The following ZMAT5 variants were observed in gnomAD, a reference collection of about 807,000 sequenced individuals.
The protein encoded by ZMAT5 is zinc finger matrin-type protein 5.
Under a neutral mutation model 28.0 loss-of-function variants are expected in ZMAT5, and 23 were observed. The observed-to-expected ratio is 0.82, with a 90% CI of 0.59 to 1.16. ZMAT5 has a LOEUF of 1.16. Among genes scored for constraint, ZMAT5 ranks in the 50% most tolerant of loss-of-function variants. ZMAT5 has a pLI of 0.00. For synonymous variants in ZMAT5, 76 were observed against 84.1 expected, an observed-to-expected ratio of 0.90 and a Z score of 0.52; for missense variants, 173 against 212.7, an observed-to-expected ratio of 0.81 and a Z score of 1.16.
intron 1 of ZMAT5, among the ~76,000 whole-genome samples, chr22:29,756,078 C>A (rs1456870393): frequency 6.6e-6 from 1 of 152,268 alleles, no homozygotes; most frequent in African/African-American, 2.4e-5. Context: ...AACAGCTCGG[C>A]CTTTGGCCAG....
At chr22:29,733,363 T>C (rs544035959) in intron 5 of ZMAT5, among the ~76,000 whole-genome samples, 48 of 151,682 alleles carry the variant, frequency 3.2e-4, no homozygotes, top group Non-Finnish European at 4.6e-4. Context: ...AGAGCCGGGG[T>C]CAGGAGCCCT....
At chr22:29,744,691 G>A (rs112382888) in intron 2 of ZMAT5, among the ~76,000 whole-genome samples, 2,027 of 152,228 alleles carry the variant, frequency 0.013, 44 homozygotes, top group African/African-American at 0.044. Context: ...GGCTGCCCAC[G>A]TCCGCTTAGT....
intron 2 of ZMAT5, among the ~76,000 whole-genome samples, chr22:29,744,452 G>C (rs1254062346): frequency 1.3e-5 from 2 of 152,030 alleles, no homozygotes; most frequent in Non-Finnish European, 2.9e-5. Flanking sequence ...GGACCAGCAG[G>C]GTGGGGAGGG....
At chr22:29,755,338 A>AGAGAGAGAGGGAGGGAGGGAGG in intron 1 of ZMAT5, among the ~76,000 whole-genome samples, 1 of 39,334 alleles carries the variant, frequency 2.5e-5, no homozygotes, top group South Asian at 1.7e-3. Flanking sequence ...AGAGAGAGAG[A>AGAGAGAGAGGGAGGGAGGGAGG]GAGGGAGGGA....
intron 1 of ZMAT5, among the ~76,000 whole-genome samples, chr22:29,765,222 C>T (rs1223556916): frequency 3.3e-5 from 5 of 151,498 alleles, no homozygotes; most frequent in Non-Finnish European, 5.9e-5. Context: ...AGTTCAAGAC[C>T]AGCCTGGCCA....
intron 5 of ZMAT5, among the ~76,000 whole-genome samples, chr22:29,735,736 CTG>C (rs1208936052): frequency 3.9e-5 from 6 of 152,234 alleles, no homozygotes; most frequent in Non-Finnish European, 5.9e-5. Context: ...ACTGGGAACA[CTG>C]TAAGCACCAA....
chr22:29,735,921 T>A lies in ZMAT5; in HGVS notation c.383+2409A>T, dbSNP rs563211113. 2.0e-5 allele frequency among the ~76,000 whole-genome samples: 3 copies of A among 152,268 alleles called. No homozygotes were observed. The East Asian group carries it at 5.8e-4, about 29-fold the overall frequency. On this transcript the variant is annotated intron_variant, in intron 5 of 5. Transcript: ENST00000344318. Reference sequence around the variant, plus strand: ...CAAGGACTCTGGGGCACCCCATCTCTACCCCACCCATTGGTGCTCACTCCA... The same window carrying A: ...CAAGGACTCTGGGGCACCCCATCTCAACCCCACCCATTGGTGCTCACTCCA...
chr22:29,757,206 A>AC (rs2068110242), intron 1 of ZMAT5, among the ~76,000 whole-genome samples: 1 of 140,106 alleles, frequency 7.1e-6, no homozygotes, highest in Non-Finnish European at 1.5e-5. Flanking sequence ...ACAGGGTGAG[A>AC]CCCCAATCTC....
At chr22:29,761,690 G>GA (rs962498097) in intron 1 of ZMAT5, among the ~76,000 whole-genome samples, 5 of 150,392 alleles carry the variant, frequency 3.3e-5, no homozygotes, top group Non-Finnish European at 7.4e-5. Context: ...CTGTAATATT[G>GA]AAAAAAAAAT....
At chr22:29,765,489 C>T (rs2040623011) in intron 1 of ZMAT5, among the ~76,000 whole-genome samples, 1 of 152,116 alleles carries the variant, frequency 6.6e-6, no homozygotes, top group African/African-American at 2.4e-5. Context: ...GCACCCTACA[C>T]ACATCTGCTA....
At chr22:29,757,041 A>T (rs1331896477) in intron 1 of ZMAT5, among the ~76,000 whole-genome samples, 6 of 151,812 alleles carry the variant, frequency 4.0e-5, no homozygotes, top group Non-Finnish European at 5.9e-5. Flanking sequence ...TATCTCAAAA[A>T]ATATATATAT....
chr22:29,732,640 T>C (rs2067860499), intron 5 of ZMAT5, among the ~76,000 whole-genome samples: 1 of 148,492 alleles, frequency 6.7e-6, no homozygotes, highest in Admixed American at 6.9e-5. Flanking sequence ...CTTGGGAGGC[T>C]GAGGCAGGAG....
At chr22:29,738,468 G>C in intron 4 of ZMAT5, 27 bp from the exon 5 acceptor site, 1 of 1,595,290 alleles carries the variant, frequency 6.3e-7, no homozygotes, top group Non-Finnish European at 8.6e-7. Flanking sequence ...ACAAAGGCAA[G>C]TGAGGGGTAC....
At position 29,759,609 on chromosome 22, in the gene ZMAT5, T is replaced by A. The variant is rs929105310; in HGVS notation, c.-28+7263A>T. Among the ~76,000 whole-genome samples the A allele has an allele frequency of 5.4e-5, 8 of 147,986 alleles. No individual in the cohort carries two copies. The East Asian group carries it at 1.2e-3, about 22-fold the overall frequency. On this transcript the variant is annotated intron_variant, in intron 1 of 5. Transcript: ENST00000344318. ...GTGAGACCCCGTCTCTAAAAAAAAA[T>A]TTTTTTTTTAATTAGCCAGTTGGGG...
At chr22:29,749,632 G>A (rs1256551421) in intron 1 of ZMAT5, among the ~76,000 whole-genome samples, 2 of 152,128 alleles carry the variant, frequency 1.3e-5, no homozygotes, top group Non-Finnish European at 2.9e-5. Context: ...CTCATAGCAT[G>A]TATCACCCTT....
chr22:29,766,439 C>A (rs1479682990), intron 1 of ZMAT5, among the ~76,000 whole-genome samples: 1 of 152,236 alleles, frequency 6.6e-6, no homozygotes, highest in African/African-American at 2.4e-5. Context: ...ATCTCCCCAC[C>A]CGCCCACTCC....
At chr22:29,731,500 G>T in intron 5 of ZMAT5, 146 bp from the exon 6 acceptor site, 1 of 1,127,356 alleles carries the variant, frequency 8.9e-7, no homozygotes. Context: ...CTCGAAAATA[G>T]GCAGACCGTT....
intron 1 of ZMAT5, among the ~76,000 whole-genome samples, chr22:29,755,164 A>T (rs1360513091): frequency 6.6e-6 from 1 of 151,942 alleles, no homozygotes; most frequent in African/African-American, 2.4e-5. Flanking sequence ...GCGTGGTGGC[A>T]CACGCCTATA....
chr22:29,754,105 CA>C (rs1291085723), intron 1 of ZMAT5, among the ~76,000 whole-genome samples: 1 of 152,092 alleles, frequency 6.6e-6, no homozygotes, highest in Non-Finnish European at 1.5e-5. Context: ...GGGTCAGGGA[CA>C]GGGGAGGAAG....
Sources: gnomAD v4.1 joint callset for allele counts (sites outside exome capture counted in the v4.1 genomes callset) on GRCh38, gnomAD v4.1.1 for gene constraint, MANE v1.5 for transcripts, NCBI Gene and HGNC (gene_info 2026-07-23, HGNC 2026-07-21) for gene names.